Variants in GUCY1A2 observed in about 807,000 individuals in gnomAD.
The protein encoded by GUCY1A2 is guanylate cyclase soluble subunit alpha-2.
In GUCY1A2, 27 loss-of-function variants were observed where a neutral mutation model predicts 63.5. The observed-to-expected ratio is 0.43, with a 90% CI of 0.31 to 0.59. The LOEUF is 0.59. GUCY1A2 is among the 20% of genes least tolerant of loss of function. GUCY1A2 has a pLI of 0.11. For synonymous variants in GUCY1A2, 364 were observed against 343.5 expected (o/e 1.06, Z -0.66); for missense variants, 768 against 913.3 (o/e 0.84, Z 2.05).
At chr11:106,805,887 G>C (rs996712899) in intron 5 of GUCY1A2, among the ~76,000 whole-genome samples, 7 of 152,004 alleles carry the variant, frequency 4.6e-5, no homozygotes, top group Admixed American at 4.6e-4. Context: ...AAAACTATAG[G>C]CTTTAGAATC....
intron 6 of GUCY1A2, among the ~76,000 whole-genome samples, chr11:106,715,786 C>T (rs1195921753): frequency 6.6e-6 from 1 of 151,892 alleles, no homozygotes; most frequent in African/African-American, 2.4e-5. Flanking sequence ...CAATCTTAAT[C>T]ACAGACTCTG....
intron 4 of GUCY1A2, chr11:106,936,717 A>ATTT: frequency 5.5e-6 from 7 of 1,273,304 alleles, no homozygotes; most frequent in South Asian, 2.8e-5. Context: ...CTTGCTCTTG[A>ATTT]TTTTTTTTTT....
intron 6 of GUCY1A2, among the ~76,000 whole-genome samples, chr11:106,751,459 C>T (rs1863880200): frequency 6.6e-6 from 1 of 150,942 alleles, no homozygotes; most frequent in Admixed American, 6.6e-5. Flanking sequence ...GCATTCTCTT[C>T]TCTATTCCCT....
At chr11:106,849,438 T>TACA (rs1859321585) in intron 4 of GUCY1A2, among the ~76,000 whole-genome samples, 1 of 151,222 alleles carries the variant, frequency 6.6e-6, no homozygotes, top group African/African-American at 2.4e-5. Context: ...AAAGAAGTAT[T>TACA]ACAAGGTTCA....
At chr11:106,842,120 C>G (rs1359665972) in intron 4 of GUCY1A2, among the ~76,000 whole-genome samples, 1 of 151,886 alleles carries the variant, frequency 6.6e-6, no homozygotes, top group Non-Finnish European at 1.5e-5. Flanking sequence ...CTCTGCTGAT[C>G]TGTGATTTGG....
chr11:106,863,925 GCTGT>G (rs1426176240), intron 4 of GUCY1A2, among the ~76,000 whole-genome samples: 3 of 151,778 alleles, frequency 2.0e-5, no homozygotes, highest in East Asian at 1.9e-4. Context: ...TCATGATTTG[GCTGT>G]CTATTACTGG....
intron 3 of GUCY1A2, among the ~76,000 whole-genome samples, chr11:106,970,129 C>A (rs1861175296): frequency 6.6e-6 from 1 of 152,128 alleles, no homozygotes; most frequent in Non-Finnish European, 1.5e-5. Context: ...AATCTTAACT[C>A]AGGCAAGCTG....
chr11:106,791,478 TG>T (rs1864659172), intron 5 of GUCY1A2, among the ~76,000 whole-genome samples: 1 of 1,354 alleles, frequency 7.4e-4, no homozygotes, highest in African/African-American at 1.6e-3. Flanking sequence ...TGGAGGTATT[TG>T]TGTGTGTGTG....
At chr11:106,770,127 C>T (rs890537900) in intron 6 of GUCY1A2, among the ~76,000 whole-genome samples, 2 of 152,022 alleles carry the variant, frequency 1.3e-5, no homozygotes, top group African/African-American at 4.8e-5. Context: ...ATAGCATTTA[C>T]TTTTTGTTAG....
At chr11:106,797,466 A>T (rs1175728811) in intron 5 of GUCY1A2, among the ~76,000 whole-genome samples, 1 of 152,156 alleles carries the variant, frequency 6.6e-6, no homozygotes, top group Non-Finnish European at 1.5e-5. Context: ...ACCCCAAATC[A>T]ACAAAATATA....
chr11:106,805,156 C>T (rs147707646), intron 5 of GUCY1A2, among the ~76,000 whole-genome samples: 1,964 of 152,268 alleles, frequency 0.013, 27 homozygotes, highest in South Asian at 0.049. Flanking sequence ...ATGTTTAATG[C>T]CATGGACATT....
chr11:106,754,601 C>G (rs1291294795), intron 6 of GUCY1A2, among the ~76,000 whole-genome samples: 1 of 152,168 alleles, frequency 6.6e-6, no homozygotes, highest in African/African-American at 2.4e-5. Context: ...TTTTCTGCAG[C>G]TATTGAGATA....
intron 6 of GUCY1A2, among the ~76,000 whole-genome samples, chr11:106,752,276 G>T (rs1863894002): frequency 6.6e-6 from 1 of 152,134 alleles, no homozygotes; most frequent in Admixed American, 6.5e-5. Context: ...GGTAAACTTG[G>T]TGAATATGGT....
rs554992935 is a variant in GUCY1A2, at chr11:106,997,117, CATATT to C, written c.304-10991_304-10987del. ...TTTTAAACTAGCTATCACTCTATTA[CATATT>C]ATATTATTTCCTCATTCCTTCTAAT... On this transcript the variant is annotated intron_variant, in intron 1 of 7. Coordinates refer to ENST00000526355, the MANE Select transcript of GUCY1A2 (RefSeq NM_000855.3). 3.3e-3 allele frequency among the ~76,000 whole-genome samples: 507 copies of C among 152,264 alleles called. 3 individuals are homozygous for C. The highest frequency in any genetic ancestry group is 0.012 in the African/African-American group (486 of 41,552).
intron 1 of GUCY1A2, among the ~76,000 whole-genome samples, chr11:107,015,469 C>A (rs1226504191): frequency 6.9e-6 from 1 of 143,914 alleles, no homozygotes; most frequent in Non-Finnish European, 1.5e-5. Flanking sequence ...TTTATCTACT[C>A]CTCATGTAAG....
chr11:107,003,791 G>C (rs538826815), intron 1 of GUCY1A2, among the ~76,000 whole-genome samples: 1 of 152,230 alleles, frequency 6.6e-6, no homozygotes, highest in Admixed American at 6.5e-5. Context: ...TCACGAGTTG[G>C]GTTCTCCAGG....
intron 4 of GUCY1A2, among the ~76,000 whole-genome samples, chr11:106,903,120 T>C (rs911847361): frequency 6.8e-6 from 1 of 147,164 alleles, no homozygotes; most frequent in East Asian, 2.1e-4. Flanking sequence ...AAAATAAATA[T>C]GTAAAATCTT....
chr11:106,883,894 C>A (rs1052619840), intron 4 of GUCY1A2, among the ~76,000 whole-genome samples: 1 of 152,072 alleles, frequency 6.6e-6, no homozygotes, highest in African/African-American at 2.4e-5. Flanking sequence ...TTTGTAGGGA[C>A]ATGGATGAAG....
chr11:106,735,365 T>C (rs1863571427), intron 6 of GUCY1A2, among the ~76,000 whole-genome samples: 1 of 152,150 alleles, frequency 6.6e-6, no homozygotes, highest in African/African-American at 2.4e-5. Context: ...TTTTAATTTG[T>C]AGCTCCCACA....
Sources: allele counts gnomAD v4.1 joint callset (sites outside exome capture counted in the v4.1 genomes callset), GRCh38; gene constraint gnomAD v4.1.1; transcripts MANE v1.5; gene names NCBI Gene and HGNC (gene_info 2026-07-23, HGNC 2026-07-21).